SLFN13: variants seen among roughly 807,000 people sequenced by gnomAD.
SLFN13 encodes the protein schlafen family member 13, also known as schlafen-13.
A neutral mutation model predicts 50.6 loss-of-function variants in SLFN13; 43 were observed. The observed-to-expected ratio is 0.85, with a 90% CI of 0.67 to 1.09. The LOEUF is 1.09. SLFN13 is among the 50% of genes least tolerant of loss of function. SLFN13 has a pLI of 0.00. For synonymous variants in SLFN13, 339 were observed against 386.5 expected (o/e 0.88, Z 1.44); for missense variants, 881 against 1,071.1 (o/e 0.82, Z 2.48).
In SLFN13 at chr17:35,442,268, T is replaced by G. The variant is rs1336851193; in HGVS notation, c.1217A>C (p.Glu406Ala). The G allele has an allele frequency of 6.3e-7, 1 of 1,593,308 alleles. No individual in the cohort carries two copies. Among genetic ancestry groups the G allele is most frequent in the South Asian group, 1.1e-5 (1 of 88,198 alleles). ...CTTCCAGAGGGACTCTGGAGTACAT[T>G]CCAAATGTCCTGGTGGAACTAGACA... is the stretch of plus-strand genomic sequence containing the variant. ...HLFPVPPGHLECTPESLWKEL... is the reference protein window; with the variant it reads ...HLFPVPPGHLACTPESLWKEL... The change falls in exon 5 of 6, where the codon GAA becomes GCA. Residue 406 changes from glutamate (E) to alanine (A), a missense_variant. By Grantham distance (107) the Glu-to-Ala change is moderately radical. This residue lies in a region of SLFN13 where 497 missense variants were observed against 518.3 expected (regional missense o/e 0.96). Transcript: ENST00000285013.
At position 35,445,298 on chromosome 17, in the gene SLFN13, C is replaced by T; in HGVS notation, c.383G>A (p.Cys128Tyr). The T allele has an allele frequency of 6.2e-7, 1 of 1,613,776 alleles. No homozygotes were observed. Residue 128 changes from cysteine (C) to tyrosine (Y), a missense_variant, in exon 3 of 6, where the codon TGC (cysteine) becomes TAC (tyrosine). This residue lies in a region of SLFN13 where 497 missense variants were observed against 518.3 expected (regional missense o/e 0.96). Transcript: ENST00000285013. ...LKDGSFNSRI[C>Y]SLSSSLYCRS... ...ACAGTATAATGAAGAACTAAGGCTG[C>T]AAATGCGGGAATTGAAAGAACCATC...
intron 5 of SLFN13, 83 bp from the exon 6 acceptor site, chr17:35,441,449 A>G (rs2142077698): frequency 6.3e-7 from 1 of 1,581,878 alleles, no homozygotes; most frequent in Non-Finnish European, 8.6e-7. Flanking sequence ...CTCCGAGCAC[A>G]GTATATTGCC....
rs540167112 is a variant in SLFN13, at chr17:35,442,303, T to C, written c.1199-17A>G. 1.6e-5 allele frequency: 25 copies of C among 1,539,318 alleles called. No individual in the cohort carries two copies. The East Asian group carries it at 3.8e-4, about 24-fold the overall frequency. ...CTGGTGGAACTAGACAGGAAGAAAA[T>C]AGAAAGATGTTTTCACTGTGTTTAT... On this transcript the variant is annotated splice_polypyrimidine_tract_variant and intron_variant, in intron 4 of 5. Coordinates refer to ENST00000285013, the MANE Select transcript of SLFN13 (RefSeq NM_144682.6).
Position 35,445,128 on chromosome 17 carries a change from C to G in SLFN13, c.553G>C (p.Glu185Gln). Residue 185 changes from glutamate (E) to glutamine (Q), a missense_variant, in exon 3 of 6, where the codon GAG (glutamate) becomes CAG (glutamine). Glu to Gln is a conservative substitution (Grantham distance 29). This residue lies in a region of SLFN13 where 497 missense variants were observed against 518.3 expected (regional missense o/e 0.96). Coordinates refer to ENST00000285013, the MANE Select transcript of SLFN13 (RefSeq NM_144682.6). The stretch of plus-strand genomic sequence containing the variant: ...AAAACTTCATATGCAGGATTTGACT[C>G]AGATATGTTCTGGTATACAGCTTTC... The part of the protein sequence containing the change: ...IMKAVYQNIS[E>Q]SNPAYEVFQT... 6.2e-7 allele frequency: 1 copy of G among 1,613,362 alleles called. No homozygotes were observed. Among genetic ancestry groups the G allele is most frequent in the Non-Finnish European group, 8.5e-7 (1 of 1,180,032 alleles).
At position 35,445,069 on chromosome 17, in the gene SLFN13, T is replaced by A. The variant is rs1296995051; in HGVS notation, c.612A>T (p.Leu204=). 6.2e-7 allele frequency: 1 copy of A among 1,614,070 alleles called. No homozygotes were observed. ...CTATGGATGGAGACTCAGGAAAAGA[T>A]AGGATTTCACCATATTCAATAGTGT... ...QTDTIEYGEI[L]SFPESPSIEF... Residue 204 remains leucine, a synonymous_variant, in exon 3 of 6, where the codon CTA becomes CTT. Coordinates refer to ENST00000285013, the MANE Select transcript of SLFN13 (RefSeq NM_144682.6).
At chr17:35,442,780 G>A (rs1029106354) in intron 4 of SLFN13, among the ~76,000 whole-genome samples, 1 of 152,126 alleles carries the variant, frequency 6.6e-6, no homozygotes, top group Admixed American at 6.5e-5. Flanking sequence ...TACAAATCTG[G>A]TAAAATGAAT....
At chr17:35,449,448 A>T (rs1352069993), upstream of SLFN13, among the ~76,000 whole-genome samples, 1 of 151,942 alleles carries the variant, frequency 6.6e-6, no homozygotes, top group African/African-American at 2.4e-5. Context: ...ACCGCACTGC[A>T]ACTGCCCATA....
chr17:35,437,880 T>G lies in SLFN13; in HGVS notation c.*2715A>C, dbSNP rs1912685677. On this transcript the variant is annotated 3_prime_UTR_variant, in exon 6 of 6. Coordinates refer to ENST00000285013, the MANE Select transcript of SLFN13 (RefSeq NM_144682.6). ...TCATTTTACAATGGCTGGATAGATT[T>G]TCAGATCTTTAATGAAGCAGGTCCT... 6.6e-6 allele frequency: 1 copy of G among 152,176 alleles called. No individual in the cohort carries two copies. The highest frequency in any genetic ancestry group is 6.5e-5 in the Admixed American group (1 of 15,272). The allele number at this position is 152,176 out of a possible 1,614,324, so 9.4% of individuals were successfully genotyped here. A position where few individuals can be genotyped will look rare whatever the true frequency, so the allele number is the denominator to read the frequency against.
Position 35,445,514 on chromosome 17 carries a change from G to T in SLFN13, c.167C>A (p.Ser56Ter), listed in dbSNP as rs772185098. The part of the protein sequence containing the change: ...VIRAACALLN[S>*]GGGVIQMEMA... Reference sequence around the variant, plus strand: ...TTCCATCTGAATCACTCCTCCTCCTGAGTTTAATAAAGCACACGCGGCCCG... The same window carrying T: ...TTCCATCTGAATCACTCCTCCTCCTTAGTTTAATAAAGCACACGCGGCCCG... The change falls in exon 3 of 6, where the codon TCA (serine) becomes TAA (stop). Residue 56 changes from serine to a stop codon, truncating the protein, a stop_gained. Transcript: ENST00000285013. LOFTEE classifies it high-confidence loss of function. The T allele has an allele frequency of 6.2e-7, 1 of 1,613,978 alleles. No individual in the cohort carries two copies. The highest frequency in any genetic ancestry group is 8.5e-7 in the Non-Finnish European group (1 of 1,180,022).
At position 35,437,934 on chromosome 17, in the gene SLFN13, G is replaced by C. The variant is rs1912686724; in HGVS notation, c.*2661C>G. 2 of 151,924 alleles carry C rather than the reference G, an allele frequency of 1.3e-5. No individual in the cohort carries two copies. Among genetic ancestry groups the C allele is most frequent in the Admixed American group, 1.3e-4 (2 of 15,262 alleles). The allele number at this position is 151,924 out of a possible 1,614,324, so 9.4% of individuals were successfully genotyped here. On this transcript the variant is annotated 3_prime_UTR_variant, in exon 6 of 6. Transcript: ENST00000285013. ...TGACTAGAGCCAAATTACAGAGATA[G>C]GCAGGTACCCATCAAAACCCAATTA...
rs748183462 is a variant in SLFN13, at chr17:35,441,051, T to C, written c.2238A>G (p.Gln746=). 2 of 1,613,688 alleles carry C rather than the reference T, an allele frequency of 1.2e-6. No homozygotes were observed. The highest frequency in any genetic ancestry group is 1.7e-6 in the Non-Finnish European group (2 of 1,180,006). The change falls in exon 6 of 6, where the codon CAA becomes CAG. Residue 746 remains glutamine, a synonymous_variant. Transcript: ENST00000285013. ...TAATTGGAGGATTTTCTATAATTAG[T>C]TGCATTTCTTGTTGTATGTACTCGG... ...EIAEYIQQEM[Q]LIIENPPINI...
rs1194369097 is a variant in SLFN13 at position 35,437,271 on chromosome 17, A to G, written c.*3324T>C. ...CAGTGACACGATTATCGCTAACTAC[A>G]GCCTTGAACTCCTGGAATCAAGCGA... On this transcript the variant is annotated 3_prime_UTR_variant, in exon 6 of 6. Transcript: ENST00000285013. 1 of 152,004 alleles carries G rather than the reference A, an allele frequency of 6.6e-6. No homozygotes were observed. The highest frequency in any genetic ancestry group is 2.4e-5 in the African/African-American group (1 of 41,386). 9.4% of individuals were successfully genotyped at this position (152,004 alleles called of 1,614,324 possible).
In SLFN13 at chr17:35,445,364, TA is replaced by T; in HGVS notation, c.316del (p.Tyr106IlefsTer40). 1.9e-6 allele frequency: 3 copies of T among 1,613,852 alleles called. No individual in the cohort carries two copies. The South Asian group carries it at 3.3e-5, about 18-fold the overall frequency. On this transcript the variant is annotated frameshift_variant, in exon 3 of 6. Transcript: ENST00000285013. LOFTEE classifies it high-confidence loss of function. The part of the protein sequence containing the change: ...FETKQHGRCF[Y>X]IFVKSWSGDP... ...ACCACTCCAAGATTTAACAAAAATATAAAAACACCTTCCGTGTTGCTTAGTC... is the reference window on the plus strand; with the variant it reads ...ACCACTCCAAGATTTAACAAAAATATAAAACACCTTCCGTGTTGCTTAGTC...
chr17:35,449,551 C>G (rs1913397294), upstream of SLFN13, among the ~76,000 whole-genome samples: 2 of 152,204 alleles, frequency 1.3e-5, no homozygotes, highest in South Asian at 4.1e-4. Context: ...ATGCTCGGAT[C>G]GGGCGGCACT....
upstream of SLFN13, among the ~76,000 whole-genome samples, chr17:35,449,560 C>T (rs1913397641): frequency 6.6e-6 from 1 of 152,238 alleles, no homozygotes; most frequent in Admixed American, 6.5e-5. Flanking sequence ...TCGGGCGGCA[C>T]TCGGTTCCTG....
chr17:35,445,214 G>A lies in SLFN13; in HGVS notation c.467C>T (p.Thr156Ile), dbSNP rs150530890. The stretch of plus-strand genomic sequence containing the variant: ...ATTATATTTGGACTGTCTTTCCTTG[G>A]TCTTCAGGAAATCGAATGCCTGTCT... ...NSRQAFDFLKTKERQSKYNLI... is the reference protein window; with the variant it reads ...NSRQAFDFLKIKERQSKYNLI... Residue 156 changes from threonine (T) to isoleucine (I), a missense_variant, in exon 3 of 6, where the codon ACC becomes ATC. Coordinates refer to ENST00000285013, the MANE Select transcript of SLFN13 (RefSeq NM_144682.6). The A allele has an allele frequency of 3.1e-5, 50 of 1,613,794 alleles. No individual in the cohort carries two copies. The highest frequency in any genetic ancestry group is 3.3e-5 in the Non-Finnish European group (39 of 1,179,988).
chr17:35,447,769 A>G (rs1913291135), intron 1 of SLFN13, among the ~76,000 whole-genome samples: 1 of 152,168 alleles, frequency 6.6e-6, no homozygotes, highest in African/African-American at 2.4e-5. Flanking sequence ...TATTTTACAG[A>G]CGTTGGGAGG....
At position 35,440,574 on chromosome 17, in the gene SLFN13, G is replaced by A. The variant is rs767382996; in HGVS notation, c.*21C>T. 6.2e-7 allele frequency: 1 copy of A among 1,612,134 alleles called. No homozygotes were observed. Among genetic ancestry groups the A allele is most frequent in the Non-Finnish European group, 8.5e-7 (1 of 1,178,630 alleles). On this transcript the variant is annotated 3_prime_UTR_variant, in exon 6 of 6. Transcript: ENST00000285013. ...GACATTTACACAGTATTTTGGTTTG[G>A]AGTTCTTCCTAATAGTCACTTCACA...
intron 3 of SLFN13, 31 bp from the exon 4 acceptor site, chr17:35,443,951 T>C (rs913533557): frequency 1.2e-6 from 2 of 1,602,500 alleles, no homozygotes; most frequent in African/African-American, 1.3e-5. Context: ...ATTTACACTA[T>C]ATGATTTCAT....
Sources: allele counts gnomAD v4.1 joint callset (sites outside exome capture counted in the v4.1 genomes callset), GRCh38; gene constraint gnomAD v4.1.1; regional missense constraint gnomAD v4.1.1; transcripts MANE v1.5; gene names NCBI Gene and HGNC (gene_info 2026-07-23, HGNC 2026-07-21).